The following USH2A variants were observed in gnomAD, a reference collection of about 807,000 sequenced individuals.
USH2A encodes the protein Usher syndrome 2A (autosomal recessive, mild).
A neutral mutation model predicts 538.9 loss-of-function variants in USH2A; 443 were observed. The ratio of observed to expected loss-of-function variants is 0.82; its 90% CI spans 0.76 to 0.89. The LOEUF (loss-of-function observed/expected upper bound fraction) is 0.89, where lower values mean the gene tolerates loss of function less well. Among genes scored for constraint, USH2A ranks in the 40% least tolerant of loss-of-function variants. The pLI is 0.00. For synonymous variants in USH2A, 2,413 were observed against 2,273.5 expected (o/e 1.06, Z -1.75); for missense variants, 6,633 against 6,324.8 (o/e 1.05, Z -1.65).
At chr1:216,383,459 T>C (rs1330344067) in intron 3 of USH2A, among the ~76,000 whole-genome samples, 4 of 152,230 alleles carry the variant, frequency 2.6e-5, no homozygotes, top group Non-Finnish European at 5.9e-5. Context: ...TAAAGTGCTA[T>C]TGTAATGCTT....
intron 34 of USH2A, among the ~76,000 whole-genome samples, chr1:215,996,588 T>G (rs1190150150): frequency 1.3e-4 from 15 of 119,920 alleles, no homozygotes; most frequent in Non-Finnish European, 1.3e-4. Flanking sequence ...TTTTTTTTTT[T>G]TTTTTTTGCA....
intron 61 of USH2A, among the ~76,000 whole-genome samples, chr1:215,725,508 G>C (rs1389883771): frequency 6.6e-6 from 1 of 152,144 alleles, no homozygotes; most frequent in African/African-American, 2.4e-5. Context: ...ATTGCTTTGT[G>C]GAAGATGTCC....
intron 38 of USH2A, among the ~76,000 whole-genome samples, chr1:215,924,767 G>C (rs572902185): frequency 6.6e-6 from 1 of 152,036 alleles, no homozygotes; most frequent in African/African-American, 2.4e-5. Context: ...AAAAGAAAAA[G>C]ATGTGATTTT....
intron 15 of USH2A, among the ~76,000 whole-genome samples, chr1:216,215,632 A>C (rs566116064): frequency 6.6e-6 from 1 of 152,204 alleles, no homozygotes; most frequent in Admixed American, 6.6e-5. Context: ...TGAGCTTCCA[A>C]CTTTACACAG....
intron 38 of USH2A, among the ~76,000 whole-genome samples, chr1:215,908,365 G>A (rs1186011818): frequency 6.6e-6 from 1 of 151,898 alleles, no homozygotes; most frequent in African/African-American, 2.4e-5. Context: ...AACAAATTTT[G>A]AGAGTTTAGT....
chr1:215,774,920 A>C (rs116204742), intron 55 of USH2A, among the ~76,000 whole-genome samples: 2,782 of 125,400 alleles, frequency 0.022, 89 homozygotes, highest in African/African-American at 0.076. Flanking sequence ...TTTTTTTTTT[A>C]CTTTTTTGGT....
intron 11 of USH2A, among the ~76,000 whole-genome samples, chr1:216,254,251 T>C (rs749780446): frequency 1.3e-4 from 20 of 152,138 alleles, no homozygotes; most frequent in Non-Finnish European, 2.1e-4. Context: ...ATGTTAACTT[T>C]AGTCAGTTTC....
At chr1:216,324,978 G>A (rs2037699901) in intron 6 of USH2A, among the ~76,000 whole-genome samples, 1 of 152,104 alleles carries the variant, frequency 6.6e-6, no homozygotes, top group Admixed American at 6.6e-5. Context: ...GGGTCTAATA[G>A]GGTGGGCCTT....
chr1:215,914,558 A>C (rs1170480864), intron 38 of USH2A, among the ~76,000 whole-genome samples: 1 of 152,134 alleles, frequency 6.6e-6, no homozygotes, highest in Non-Finnish European at 1.5e-5. Context: ...TTATAAACAC[A>C]TTTAAATTTA....
At chr1:216,086,332 G>A (rs1571949724) in intron 24 of USH2A, among the ~76,000 whole-genome samples, 1 of 151,992 alleles carries the variant, frequency 6.6e-6, no homozygotes, top group African/African-American at 2.4e-5. Context: ...AGTATTCAGG[G>A]AATGTTCTTC....
At chr1:216,113,786 C>G (rs2032934756) in intron 21 of USH2A, among the ~76,000 whole-genome samples, 1 of 151,490 alleles carries the variant, frequency 6.6e-6, no homozygotes, top group Non-Finnish European at 1.5e-5. Flanking sequence ...TGGCGTCTTC[C>G]TTTGCTTTTT....
intron 11 of USH2A, among the ~76,000 whole-genome samples, chr1:216,270,276 T>A (rs1428453762): frequency 1.3e-5 from 2 of 151,990 alleles, no homozygotes; most frequent in Non-Finnish European, 1.5e-5. Context: ...AAGTAAAAAT[T>A]TAAAAAGCAA....
rs762608746 is a variant in USH2A at position 215,900,072 on chromosome 1, TA to T, written c.7594+2del. On this transcript the variant is annotated splice_donor_variant, in intron 40 of 71. Transcript: ENST00000307340. LOFTEE classifies it high-confidence loss of function. ...TTGGCTGTGTATTGTTCAGACCACT[TA>T]CTGTCCTCTGCGGTCATGAATGGAA... 6.2e-7 allele frequency: 1 copy of T among 1,613,660 alleles called. No homozygotes were observed. The highest frequency in any genetic ancestry group is 2.2e-5 in the East Asian group (1 of 44,854).
chr1:216,366,381 G>C (rs191144530), intron 3 of USH2A, among the ~76,000 whole-genome samples: 6 of 152,204 alleles, frequency 3.9e-5, no homozygotes, highest in Admixed American at 3.9e-4. Flanking sequence ...CTTTAATAGA[G>C]GGGGAGGCTG....
At chr1:215,892,941 GT>G (rs1665244874) in intron 40 of USH2A, among the ~76,000 whole-genome samples, 1 of 152,238 alleles carries the variant, frequency 6.6e-6, no homozygotes, top group East Asian at 1.9e-4. Context: ...GGAGAGTATT[GT>G]TTAGAAAGAA....
At chr1:215,890,783 CA>C (rs1399178348) in intron 40 of USH2A, among the ~76,000 whole-genome samples, 1 of 152,040 alleles carries the variant, frequency 6.6e-6, no homozygotes, top group Non-Finnish European at 1.5e-5. Context: ...CAGAGAAAAG[CA>C]AGTACGAGTC....
Position 216,199,951 on chromosome 1 carries a change from C to T in USH2A, c.3487G>A (p.Asp1163Asn). 6.2e-7 allele frequency: 1 copy of T among 1,614,112 alleles called. No homozygotes were observed. Among genetic ancestry groups the T allele is most frequent in the Non-Finnish European group, 8.5e-7 (1 of 1,179,998 alleles). ...TLSYIIPIGS[D>N]SVTLTWTTLS... The stretch of plus-strand genomic sequence containing the variant: ...GTTGTCCAGGTAAGTGTCACAGAGT[C>T]TGAGCCAATAGGAATGATATAACTT... Residue 1163 changes from aspartate (D) to asparagine (N), a missense_variant, in exon 17 of 72, where the codon GAC becomes AAC. Transcript: ENST00000307340.
intron 7 of USH2A, among the ~76,000 whole-genome samples, chr1:216,323,899 T>C (rs1328096492): frequency 6.6e-6 from 1 of 152,246 alleles, no homozygotes; most frequent in Non-Finnish European, 1.5e-5. Flanking sequence ...GAAAACATAA[T>C]GAAAATTCTA....
intron 26 of USH2A, among the ~76,000 whole-genome samples, chr1:216,081,510 T>C (rs557910311): frequency 3.3e-5 from 5 of 152,294 alleles, no homozygotes; most frequent in African/African-American, 1.2e-4. Context: ...GAAAGACTGC[T>C]TCCTTTCAGT....
Sources: gnomAD v4.1 joint callset for allele counts (sites outside exome capture counted in the v4.1 genomes callset) on GRCh38, gnomAD v4.1.1 for gene constraint, MANE v1.5 for transcripts, NCBI Gene and HGNC (gene_info 2026-07-23, HGNC 2026-07-21) for gene names.